Variants in TAFA5 observed in about 807,000 individuals in gnomAD.
TAFA5 encodes TAFA chemokine like family member 5.
Under a neutral mutation model 15.3 loss-of-function variants are expected in TAFA5, and 6 were observed. The ratio of observed to expected loss-of-function variants is 0.39; its 90% CI spans 0.21 to 0.77. TAFA5 has a LOEUF of 0.77. TAFA5 is among the 30% of genes least tolerant of loss of function. The pLI is 0.41. For synonymous variants in TAFA5, 103 were observed against 80.7 expected (o/e 1.28, Z -1.48); for missense variants, 161 against 193.1 (o/e 0.83, Z 0.98).
At chr22:48,593,468 T>G (rs557980869) in intron 1 of TAFA5, among the ~76,000 whole-genome samples, 10 of 151,650 alleles carry the variant, frequency 6.6e-5, no homozygotes, top group Non-Finnish European at 1.2e-4. Context: ...GAGCTGGCTG[T>G]CTGGGCTCGG....
At chr22:48,627,090 C>T (rs1926048898) in intron 1 of TAFA5, among the ~76,000 whole-genome samples, 3 of 152,152 alleles carry the variant, frequency 2.0e-5, no homozygotes, top group Admixed American at 1.3e-4. Context: ...TGTAATCTGC[C>T]GGGATACACA....
At chr22:48,600,946 C>T (rs1302833275) in intron 1 of TAFA5, among the ~76,000 whole-genome samples, 1 of 152,170 alleles carries the variant, frequency 6.6e-6, no homozygotes, top group African/African-American at 2.4e-5. Context: ...ATTCCCCCGG[C>T]TCCCTCTCCG....
At chr22:48,574,479 C>T (rs1923691493) in intron 1 of TAFA5, among the ~76,000 whole-genome samples, 1 of 152,138 alleles carries the variant, frequency 6.6e-6, no homozygotes, top group South Asian at 2.1e-4. Flanking sequence ...CTCAGTTTCC[C>T]CAGATGCATA....
At chr22:48,523,280 C>G (rs573675092) in intron 1 of TAFA5, among the ~76,000 whole-genome samples, 1 of 152,298 alleles carries the variant, frequency 6.6e-6, no homozygotes, top group Non-Finnish European at 1.5e-5. Context: ...GCTGGTGGGC[C>G]GGCGGGCAGC....
At chr22:48,507,460 A>T (rs920832251) in intron 1 of TAFA5, among the ~76,000 whole-genome samples, 2 of 152,188 alleles carry the variant, frequency 1.3e-5, no homozygotes, top group Non-Finnish European at 2.9e-5. Flanking sequence ...AAATCGCCAG[A>T]CGTGGTGGCG....
intron 3 of TAFA5, among the ~76,000 whole-genome samples, chr22:48,718,442 C>T (rs1394440728): frequency 6.6e-6 from 1 of 152,146 alleles, no homozygotes; most frequent in Non-Finnish European, 1.5e-5. Context: ...AGTTACCAGG[C>T]AGCCAACCAC....
chr22:48,512,821 G>A (rs1395307397), intron 1 of TAFA5, among the ~76,000 whole-genome samples: 2 of 151,398 alleles, frequency 1.3e-5, no homozygotes, highest in African/African-American at 2.4e-5. Context: ...TACTTGGGAG[G>A]CTGAGGCAGG....
chr22:48,542,400 T>TG (rs1481492838), intron 1 of TAFA5, among the ~76,000 whole-genome samples: 24 of 114,306 alleles, frequency 2.1e-4, no homozygotes, highest in Non-Finnish European at 3.5e-4. Flanking sequence ...GGTGTGTGTG[T>TG]GCGTGTGTGG....
At chr22:48,568,059 C>T (rs894525514) in intron 1 of TAFA5, among the ~76,000 whole-genome samples, 4 of 152,198 alleles carry the variant, frequency 2.6e-5, no homozygotes, top group East Asian at 3.9e-4. Flanking sequence ...TTTCTGGGTA[C>T]GCCAAAGCAG....
At chr22:48,516,347 C>T (rs2147104412) in intron 1 of TAFA5, among the ~76,000 whole-genome samples, 1 of 152,250 alleles carries the variant, frequency 6.6e-6, no homozygotes, top group Admixed American at 6.5e-5. Flanking sequence ...CCCTTTGTGC[C>T]ATTTAATTCC....
chr22:48,507,531 A>C (rs1387676662), intron 1 of TAFA5, among the ~76,000 whole-genome samples: 1 of 152,196 alleles, frequency 6.6e-6, no homozygotes, highest in Non-Finnish European at 1.5e-5. Flanking sequence ...GAATGTGCTC[A>C]GTGGTTTGCC....
At chr22:48,593,993 ATGTAAG>A (rs1924669963) in intron 1 of TAFA5, among the ~76,000 whole-genome samples, 1 of 152,182 alleles carries the variant, frequency 6.6e-6, no homozygotes, top group Admixed American at 6.5e-5. Context: ...TGAAGTCCTT[ATGTAAG>A]GAATTATGGT....
chr22:48,702,497 C>T (rs11204505), intron 2 of TAFA5, among the ~76,000 whole-genome samples: 34 of 152,134 alleles, frequency 2.2e-4, no homozygotes, highest in Middle Eastern at 3.4e-3. Context: ...CTGCTCCTAC[C>T]GGCCCGGGGA....
chr22:48,732,764 A>ACTC (rs1929904651), intron 3 of TAFA5, among the ~76,000 whole-genome samples: 3 of 152,228 alleles, frequency 2.0e-5, no homozygotes, highest in Admixed American at 2.0e-4. Context: ...CTTTCATGAA[A>ACTC]GGAGAGTCAA....
intron 1 of TAFA5, among the ~76,000 whole-genome samples, chr22:48,516,207 G>A (rs551978838): frequency 6.6e-6 from 1 of 152,182 alleles, no homozygotes; most frequent in Non-Finnish European, 1.5e-5. Context: ...TGGAGGCGCC[G>A]AGACATTTTT....
intron 1 of TAFA5, among the ~76,000 whole-genome samples, chr22:48,536,294 G>A (rs1346018980): frequency 1.3e-5 from 2 of 152,238 alleles, no homozygotes; most frequent in Non-Finnish European, 2.9e-5. Context: ...AACATAGAGG[G>A]AGAATTGTCT....
intron 2 of TAFA5, among the ~76,000 whole-genome samples, chr22:48,686,543 A>G (rs1481193543): frequency 2.0e-5 from 3 of 152,252 alleles, no homozygotes; most frequent in Non-Finnish European, 2.9e-5. Context: ...TCTAAACATC[A>G]TAATTGCAGG....
intron 1 of TAFA5, among the ~76,000 whole-genome samples, chr22:48,495,230 G>C (rs541067482): frequency 6.6e-6 from 1 of 152,194 alleles, no homozygotes; most frequent in African/African-American, 2.4e-5. Context: ...GCAGGCTTGC[G>C]GGTGAAGCTG....
chr22:48,605,641 G>A (rs1256407512), intron 1 of TAFA5, among the ~76,000 whole-genome samples: 1 of 152,158 alleles, frequency 6.6e-6, no homozygotes, highest in Non-Finnish European at 1.5e-5. Flanking sequence ...GTTTTGAGAG[G>A]TCAAGAAACT....
Sources: gnomAD v4.1 joint callset for allele counts (sites outside exome capture counted in the v4.1 genomes callset) on GRCh38, gnomAD v4.1.1 for gene constraint, MANE v1.5 for transcripts, NCBI Gene and HGNC (gene_info 2026-07-23, HGNC 2026-07-21) for gene names.